The following TRDN variants were observed in gnomAD, a reference collection of about 807,000 sequenced individuals.
TRDN encodes triadin in skeletal muscle.
A neutral mutation model predicts 149.7 loss-of-function variants in TRDN; 161 were observed. The observed-to-expected ratio is 1.08, with a 90% confidence interval of 0.95 to 1.23. The LOEUF (loss-of-function observed/expected upper bound fraction) is 1.23, where lower values mean the gene tolerates loss of function less well. TRDN is among the 50% of genes most tolerant of loss of function. TRDN has a pLI of 0.00. For missense variants in TRDN, 896 were observed against 823.5 expected, an observed-to-expected ratio of 1.09 and a Z score of -1.08; for synonymous variants, 294 against 250.5, an observed-to-expected ratio of 1.17 and a Z score of -1.64.
intron 38 of TRDN, among the ~76,000 whole-genome samples, chr6:123,241,881 A>G (rs1218851902): frequency 6.6e-6 from 1 of 152,128 alleles, no homozygotes; most frequent in Admixed American, 6.6e-5. Context: ...AAAAAATTAC[A>G]GGAAACATGG....
rs565020399 is a variant in TRDN at position 123,516,206 on chromosome 6, A to C, written c.485T>G (p.Val162Gly). 6.7e-7 allele frequency: 1 copy of C among 1,481,800 alleles called. No individual in the cohort carries two copies. Among genetic ancestry groups the C allele is most frequent in the South Asian group, 1.3e-5 (1 of 79,448 alleles). The allele number at this position is 1,481,800 out of a possible 1,614,324, so 91.8% of individuals were successfully genotyped here. Reference protein sequence around the residue: ...EKPERKIQTKVTHKEKEKGKE... With the variant: ...EKPERKIQTKGTHKEKEKGKE... ...TCCTTTTTCTTTTTCTTTGTGTGTA[A>C]CTGAAAAGAAACAGATAAATAGTTT... The change falls in exon 6 of 41, where the codon GTT (valine) becomes GGT (glycine). Residue 162 changes from valine to glycine, a missense_variant and splice_region_variant. Transcript: ENST00000334268.
At chr6:123,341,619 T>C (rs1363599531) in intron 21 of TRDN, among the ~76,000 whole-genome samples, 1 of 151,930 alleles carries the variant, frequency 6.6e-6, no homozygotes, top group African/African-American at 2.4e-5. Flanking sequence ...ATGTTGTCAG[T>C]ACGTGAAGAC....
chr6:123,257,572 A>G (rs1370382605), intron 35 of TRDN, among the ~76,000 whole-genome samples: 2 of 152,138 alleles, frequency 1.3e-5, no homozygotes, highest in Non-Finnish European at 2.9e-5. Context: ...GGAGTCAGGT[A>G]GTGTGATGCC....
At position 123,557,507 on chromosome 6, in the gene TRDN, T is replaced by C. The variant is rs565382815; in HGVS notation, c.233-8895A>G. 8.0e-4 allele frequency among the ~76,000 whole-genome samples: 121 copies of C among 152,136 alleles called. 1 individual carries two copies. The highest frequency in any genetic ancestry group is 2.9e-3 in the African/African-American group (119 of 41,496). On this transcript the variant is annotated intron_variant, in intron 2 of 40. Transcript: ENST00000334268. ...TGGCGCCACACTTCAATCTCTCCCT[T>C]CTCTTAATTTCAGTTCCTTTCCTTT...
intron 12 of TRDN, among the ~76,000 whole-genome samples, chr6:123,429,653 A>T (rs1774253383): frequency 6.6e-6 from 1 of 152,206 alleles, no homozygotes. Flanking sequence ...TTAAATTGAG[A>T]TTAACAGATT....
chr6:123,443,426 G>C (rs1457845610), intron 10 of TRDN, among the ~76,000 whole-genome samples: 5 of 152,058 alleles, frequency 3.3e-5, no homozygotes, highest in African/African-American at 1.2e-4. Context: ...GGCTATTAGG[G>C]AGAAGACTTT....
intron 4 of TRDN, among the ~76,000 whole-genome samples, chr6:123,541,085 T>G (rs942698255): frequency 6.6e-6 from 1 of 152,174 alleles, no homozygotes; most frequent in African/African-American, 2.4e-5. Context: ...CTGAAATACA[T>G]TAGACCTAGC....
chr6:123,549,366 A>T lies in TRDN; in HGVS notation c.233-754T>A, dbSNP rs190441068. On this transcript the variant is annotated intron_variant, in intron 2 of 40. Transcript: ENST00000334268. ...TCCAATCATATGAAAACTGCTCTGA[A>T]GAGGCAAGCATAGCCTTTAGGATGT... is the stretch of plus-strand genomic sequence containing the variant. Among the ~76,000 whole-genome samples, 3 of 152,178 alleles carry T rather than the reference A, an allele frequency of 2.0e-5. No homozygotes were observed. The East Asian group carries it at 5.8e-4, about 29-fold the overall frequency.
chr6:123,556,941 C>T (rs1408106323), intron 2 of TRDN, among the ~76,000 whole-genome samples: 1 of 152,086 alleles, frequency 6.6e-6, no homozygotes, highest in Non-Finnish European at 1.5e-5. Context: ...GACATTCCAC[C>T]ACAAAAGAAG....
rs1048421165 is a variant in TRDN, at chr6:123,503,553, T to G, written c.793+166A>C. On this transcript the variant is annotated intron_variant, in intron 8 of 40. Coordinates refer to ENST00000334268, the MANE Select transcript of TRDN (RefSeq NM_006073.4). ...ATTTTAGTATTTTTATAAATAAATA[T>G]TAATTCCCAATTTACTGTATTTCTT... 34 of 1,430,244 alleles carry G rather than the reference T, an allele frequency of 2.4e-5. No homozygotes were observed. In the African/African-American group the frequency reaches 4.3e-4, roughly 18 times the overall value. 88.6% of individuals were successfully genotyped at this position (1,430,244 alleles called of 1,614,324 possible). A position where few individuals can be genotyped will look rare whatever the true frequency, so the allele number is the denominator to read the frequency against.
chr6:123,309,814 T>C (rs923062382), intron 24 of TRDN, among the ~76,000 whole-genome samples: 2 of 152,050 alleles, frequency 1.3e-5, no homozygotes, highest in African/African-American at 2.4e-5. Context: ...GGTACTAGTC[T>C]GTTTTGTCAT....
At chr6:123,474,577 A>G (rs1332365498) in intron 9 of TRDN, among the ~76,000 whole-genome samples, 5 of 152,192 alleles carry the variant, frequency 3.3e-5, no homozygotes, top group African/African-American at 9.7e-5. Flanking sequence ...AAGCCGACCT[A>G]ATAGACATCT....
intron 1 of TRDN, among the ~76,000 whole-genome samples, chr6:123,601,994 T>C (rs1784303341): frequency 6.6e-6 from 1 of 152,060 alleles, no homozygotes; most frequent in Admixed American, 6.6e-5. Context: ...CTTTATCAAT[T>C]CTATTAGCTG....
chr6:123,398,068 G>A (rs560222416), intron 12 of TRDN, among the ~76,000 whole-genome samples: 2 of 152,178 alleles, frequency 1.3e-5, no homozygotes, highest in African/African-American at 4.8e-5. Context: ...GCAGTGGCAC[G>A]ATCTTGGCTC....
intron 22 of TRDN, among the ~76,000 whole-genome samples, chr6:123,334,769 A>G (rs1779800791): frequency 6.6e-6 from 1 of 152,050 alleles, no homozygotes; most frequent in Non-Finnish European, 1.5e-5. Flanking sequence ...GCAAAAGCCT[A>G]ATAATGTATC....
At chr6:123,391,851 T>C (rs1178265337) in intron 13 of TRDN, among the ~76,000 whole-genome samples, 1 of 152,176 alleles carries the variant, frequency 6.6e-6, no homozygotes, top group East Asian at 1.9e-4. Flanking sequence ...ACTATAGGAT[T>C]ATTGCCAATT....
At chr6:123,495,006 T>A (rs1455819052) in intron 9 of TRDN, among the ~76,000 whole-genome samples, 1 of 151,936 alleles carries the variant, frequency 6.6e-6, no homozygotes, top group Non-Finnish European at 1.5e-5. Flanking sequence ...AATGCTTGCA[T>A]TATAGGCATG....
chr6:123,316,163 T>C (rs1253502575), intron 24 of TRDN, among the ~76,000 whole-genome samples: 1 of 151,852 alleles, frequency 6.6e-6, no homozygotes, highest in Non-Finnish European at 1.5e-5. Context: ...TCATAAACAG[T>C]GTTCAATTGC....
intron 8 of TRDN, chr6:123,502,359 C>T: frequency 1.4e-6 from 1 of 733,174 alleles, no homozygotes; most frequent in Non-Finnish European, 1.7e-6. Context: ...GTGATATAAT[C>T]ACCTTGAAAA....
Sources: allele counts gnomAD v4.1 joint callset (sites outside exome capture counted in the v4.1 genomes callset), GRCh38; gene constraint gnomAD v4.1.1; transcripts MANE v1.5; gene names NCBI Gene and HGNC (gene_info 2026-07-23, HGNC 2026-07-21).